The following CTTNBP2 variants were observed in gnomAD, a reference collection of about 807,000 sequenced individuals.
CTTNBP2 encodes cortactin-binding protein 2.
In CTTNBP2, 108 loss-of-function variants were observed where a neutral mutation model predicts 156.9. The observed-to-expected ratio is 0.69, with a 90% CI of 0.59 to 0.81. The LOEUF is 0.81. Among genes scored for constraint, CTTNBP2 ranks in the 30% least tolerant of loss-of-function variants. The pLI, the probability that CTTNBP2 is intolerant of heterozygous loss-of-function variation, is 0.00. For missense variants in CTTNBP2, 1,924 were observed against 2,035.4 expected (o/e 0.95, Z 1.05); for synonymous variants, 767 against 751.8 (o/e 1.02, Z -0.33).
At chr7:117,821,914 G>C (rs1800993403) in intron 2 of CTTNBP2, among the ~76,000 whole-genome samples, 1 of 152,060 alleles carries the variant, frequency 6.6e-6, no homozygotes, top group African/African-American at 2.4e-5. Context: ...TACATCTATA[G>C]TTATGAGTAT....
At chr7:117,800,136 CTTTAA>C (rs777001220) in intron 3 of CTTNBP2, among the ~76,000 whole-genome samples, 11 of 151,624 alleles carry the variant, frequency 7.3e-5, no homozygotes, top group Non-Finnish European at 1.2e-4. Flanking sequence ...GCCAAATTGC[CTTTAA>C]TTTTTTTTTT....
intron 3 of CTTNBP2, among the ~76,000 whole-genome samples, chr7:117,806,744 ATTTTTTTTTT>A (rs3059529): frequency 8.4e-6 from 1 of 119,226 alleles, no homozygotes; most frequent in Non-Finnish European, 1.7e-5. Flanking sequence ...TCTTTTTCTC[ATTTTTTTTTT>A]TTTTTTTTTT....
In CTTNBP2 at chr7:117,792,844, G is replaced by T; in HGVS notation, c.415-63C>A. On this transcript the variant is annotated intron_variant, in intron 3 of 22. Transcript: ENST00000160373. The surrounding 1 kb of genome is among the most constrained non-coding windows in gnomAD (Gnocchi z 4.2). ...AGAATTTTCTTTTCACCAAGGAAATGCTTTTTGTGAGATTTTTATTAATTT... is the reference window on the plus strand; with the variant it reads ...AGAATTTTCTTTTCACCAAGGAAATTCTTTTTGTGAGATTTTTATTAATTT... 2 of 1,166,884 alleles carry T rather than the reference G, an allele frequency of 1.7e-6. No homozygotes were observed. Among genetic ancestry groups the T allele is most frequent in the Non-Finnish European group, 2.3e-6 (2 of 873,558 alleles). 72.3% of individuals were successfully genotyped at this position (1,166,884 alleles called of 1,614,324 possible). A position where few individuals can be genotyped will look rare whatever the true frequency, so the allele number is the denominator to read the frequency against.
Position 117,792,586 on chromosome 7 carries a change from T to C in CTTNBP2, c.610A>G (p.Lys204Glu). The change falls in exon 4 of 23, where the codon AAA becomes GAA. Residue 204 changes from lysine (K) to glutamate (E), a missense_variant. Physicochemically the swap from Lys to Glu is moderately conservative, Grantham distance 56 (BLOSUM62 1). Coordinates refer to ENST00000160373, the MANE Select transcript of CTTNBP2 (RefSeq NM_033427.3). This position sits in a 1 kb window ranked among gnomAD's most constrained non-coding sequence, Gnocchi z 4.2. ...DVMAKLEEEK[K>E]KTNELEEELS... Reference sequence around the variant, plus strand: ...TCCTCTTCTAATTCATTCGTCTTTTTCTTTTCCTCTTCCAGTTTGGCCATT... The same window carrying C: ...TCCTCTTCTAATTCATTCGTCTTTTCCTTTTCCTCTTCCAGTTTGGCCATT... 2 of 1,614,220 alleles carry C rather than the reference T, an allele frequency of 1.2e-6. No individual in the cohort carries two copies. Among genetic ancestry groups the C allele is most frequent in the East Asian group, 2.2e-5 (1 of 44,878 alleles).
intron 10 of CTTNBP2, 99 bp downstream of exon 10, chr7:117,760,336 A>G: frequency 8.3e-7 from 1 of 1,198,260 alleles, no homozygotes; most frequent in Non-Finnish European, 1.2e-6. Flanking sequence ...GTAAGCTTTG[A>G]ATGTGCTTAA....
At position 117,728,276 on chromosome 7, in the gene CTTNBP2, A is replaced by AGGG; in HGVS notation, c.3877-10_3877-9insCCC. On this transcript the variant is annotated splice_polypyrimidine_tract_variant and intron_variant, in intron 16 of 22. Transcript: ENST00000160373. ...GGCGCCTGACCTTTGAACTAGAGAG[A>AGGG]CAGGGAGGTGGAACCCAGGGGCTTG... 1 of 1,595,664 alleles carries AGGG rather than the reference A, an allele frequency of 6.3e-7. No individual in the cohort carries two copies. Among genetic ancestry groups the AGGG allele is most frequent in the South Asian group, 1.1e-5 (1 of 88,708 alleles).
chr7:117,779,650 A>C (rs2116785102), intron 7 of CTTNBP2, among the ~76,000 whole-genome samples: 1 of 152,012 alleles, frequency 6.6e-6, no homozygotes, highest in East Asian at 1.9e-4. Flanking sequence ...GATTTTCAAA[A>C]AATAGGAAGT....
chr7:117,759,723 T>C (rs1797083777), intron 10 of CTTNBP2, among the ~76,000 whole-genome samples: 1 of 152,196 alleles, frequency 6.6e-6, no homozygotes, highest in African/African-American at 2.4e-5. Context: ...AGTCATCTTG[T>C]ACGGAGTTAT....
At chr7:117,769,683 C>A (rs1460673032) in intron 8 of CTTNBP2, among the ~76,000 whole-genome samples, 2 of 152,078 alleles carry the variant, frequency 1.3e-5, no homozygotes, top group Non-Finnish European at 2.9e-5. Flanking sequence ...CTAATTTGGA[C>A]AAAATCAGTA....
intron 2 of CTTNBP2, among the ~76,000 whole-genome samples, chr7:117,845,085 C>T (rs1802506787): frequency 6.6e-6 from 1 of 152,054 alleles, no homozygotes; most frequent in Non-Finnish European, 1.5e-5. Context: ...TTTCTCCAGG[C>T]TTGTGCAAGC....
chr7:117,871,050 T>C (rs1804561308), intron 1 of CTTNBP2, among the ~76,000 whole-genome samples: 1 of 152,252 alleles, frequency 6.6e-6, no homozygotes, highest in South Asian at 2.1e-4. Flanking sequence ...ATTGACTCCT[T>C]ACTGCCAAAT....
At chr7:117,801,364 T>C (rs1006417670) in intron 3 of CTTNBP2, among the ~76,000 whole-genome samples, 9 of 152,142 alleles carry the variant, frequency 5.9e-5, no homozygotes, top group African/African-American at 1.9e-4. Context: ...TTGAATTGAG[T>C]GACGTTTTAC....
At chr7:117,761,837 C>G (rs556597568) in intron 9 of CTTNBP2, among the ~76,000 whole-genome samples, 2 of 152,104 alleles carry the variant, frequency 1.3e-5, no homozygotes, top group Admixed American at 1.3e-4. Flanking sequence ...GTAAAAAATT[C>G]CTTTGTATGC....
intron 4 of CTTNBP2, among the ~76,000 whole-genome samples, chr7:117,788,963 C>T (rs930753360): frequency 1.1e-4 from 16 of 150,028 alleles, no homozygotes; most frequent in African/African-American, 4.0e-4. Flanking sequence ...AATCCGATTT[C>T]CGTATCTTCA....
At position 117,784,386 on chromosome 7, in the gene CTTNBP2, G is replaced by C; in HGVS notation, c.2137C>G (p.Leu713Val). The C allele has an allele frequency of 6.2e-7, 1 of 1,613,558 alleles. No individual in the cohort carries two copies. Among genetic ancestry groups the C allele is most frequent in the Non-Finnish European group, 8.5e-7 (1 of 1,179,862 alleles). Residue 713 changes from leucine to valine, a missense_variant, in exon 5 of 23, where the codon CTT becomes GTT. Physicochemically the swap from Leu to Val is conservative, Grantham distance 32. Transcript: ENST00000160373. ...CCCTGGGCAGCAGCTTGCTGAAGAA[G>C]GGTGGGCCTGCCAGCCAGGGGGGCA... ...GPAPLAGRPT[L>V]LQQAAAQGNV... is the part of the protein sequence containing the mutation.
chr7:117,849,225 G>A (rs891838118), intron 2 of CTTNBP2, among the ~76,000 whole-genome samples: 1 of 152,212 alleles, frequency 6.6e-6, no homozygotes, highest in Non-Finnish European at 1.5e-5. Context: ...CCGATGTGAT[G>A]TTACACAAAT....
intron 3 of CTTNBP2, among the ~76,000 whole-genome samples, chr7:117,810,097 G>C (rs1343633679): frequency 1.3e-5 from 2 of 152,082 alleles, no homozygotes; most frequent in African/African-American, 4.8e-5. Context: ...CAAGTGAAAG[G>C]AATATGTGTG....
intron 12 of CTTNBP2, among the ~76,000 whole-genome samples, chr7:117,747,081 A>C (rs1796370228): frequency 6.6e-6 from 1 of 152,164 alleles, no homozygotes. Context: ...TTCTTAATGG[A>C]AAGCTGGTCT....
chr7:117,759,415 A>G (rs1286266371), intron 10 of CTTNBP2, among the ~76,000 whole-genome samples: 4 of 152,160 alleles, frequency 2.6e-5, no homozygotes, highest in Non-Finnish European at 5.9e-5. Flanking sequence ...CACAGCCAAT[A>G]ATAGTAATTT....
Sources: gnomAD v4.1 joint callset for allele counts (sites outside exome capture counted in the v4.1 genomes callset) on GRCh38, gnomAD v4.1.1 for gene constraint, Gnocchi (gnomAD v3.1) non-coding constraint, MANE v1.5 for transcripts, NCBI Gene and HGNC (gene_info 2026-07-23, HGNC 2026-07-21) for gene names.